SESN3: variants seen among roughly 807,000 people sequenced by gnomAD.
SESN3 encodes sestrin 3, also known as sestrin-3.
A neutral mutation model predicts 55.3 loss-of-function variants in SESN3; 21 were observed. That is an observed-to-expected ratio of 0.38 (90% confidence interval 0.27 to 0.55). The LOEUF (loss-of-function observed/expected upper bound fraction) is 0.55, where lower values mean the gene tolerates loss of function less well. SESN3 is among the 20% of genes least tolerant of loss of function. The pLI is 0.76. For missense variants in SESN3, 408 were observed against 604.3 expected (o/e 0.68, Z 3.41); for synonymous variants, 181 against 203.1 (o/e 0.89, Z 0.93).
rs192166381 is a variant in SESN3, at chr11:95,179,555, T to C, written c.938-727A>G. Among the ~76,000 whole-genome samples the C allele has an allele frequency of 1.5e-3, 222 of 152,200 alleles. No individual in the cohort carries two copies. In the East Asian group the frequency reaches 0.041, roughly 28 times the overall value. ...TGTTAAAATTACATGGTGTTTCATC[T>C]GGATGTATTCACAGTAAAAATTAGT... is the stretch of plus-strand genomic sequence containing the variant. On this transcript the variant is annotated intron_variant, in intron 6 of 9. Transcript: ENST00000536441.
At chr11:95,184,855 T>A (rs1199355705) in intron 5 of SESN3, among the ~76,000 whole-genome samples, 1 of 152,042 alleles carries the variant, frequency 6.6e-6, no homozygotes, top group Non-Finnish European at 1.5e-5. Context: ...GCATTTGGTA[T>A]ATATTAAATA....
chr11:95,216,522 G>A (rs945281794), intron 1 of SESN3, among the ~76,000 whole-genome samples: 1 of 152,068 alleles, frequency 6.6e-6, no homozygotes, highest in African/African-American at 2.4e-5. Flanking sequence ...GCACATTGAT[G>A]GCAACATTCT....
At position 95,230,884 on chromosome 11, in the gene SESN3, G is replaced by T; in HGVS notation, c.-24C>A. On this transcript the variant is annotated 5_prime_UTR_variant, in exon 1 of 10. Coordinates refer to ENST00000536441, the MANE Select transcript of SESN3 (RefSeq NM_144665.4). This position sits in a 1 kb window ranked among gnomAD's most constrained non-coding sequence, Gnocchi z 4.6. ...ATCGTGGCTGCGGGCGCCGAGGCGA[G>T]AGCGGGCGGAGGGCCGGGTCCGGGC... is the stretch of plus-strand genomic sequence containing the variant. 1 of 1,536,100 alleles carries T rather than the reference G, an allele frequency of 6.5e-7. No individual in the cohort carries two copies. The highest frequency in any genetic ancestry group is 1.2e-5 in the South Asian group (1 of 84,212).
upstream of SESN3, chr11:95,232,342 C>A (rs1472427708): frequency 6.6e-6 from 1 of 152,294 alleles, no homozygotes; most frequent in Non-Finnish European, 1.5e-5. Flanking sequence ...ATGCTAGACG[C>A]CCGCAACCTG....
intron 7 of SESN3, 70 bp downstream of exon 7, chr11:95,178,640 T>C: frequency 1.0e-6 from 1 of 981,332 alleles, no homozygotes. Flanking sequence ...TGCCAATTTT[T>C]AAAATTTAAA....
At chr11:95,202,633 A>G (rs915958886) in intron 1 of SESN3, among the ~76,000 whole-genome samples, 5 of 152,118 alleles carry the variant, frequency 3.3e-5, no homozygotes, top group Admixed American at 2.0e-4. Flanking sequence ...ATAGAGATAC[A>G]AAATATAGCT....
chr11:95,195,546 T>A (rs1039298186), intron 1 of SESN3, among the ~76,000 whole-genome samples: 5 of 152,170 alleles, frequency 3.3e-5, no homozygotes, highest in Non-Finnish European at 7.3e-5. Context: ...GTATGACATA[T>A]ACCATCGCAG....
rs1299378661 is a variant in SESN3 at position 95,168,165 on chromosome 11, C to G, written c.*5090G>C. 1 of 152,216 alleles carries G rather than the reference C, an allele frequency of 6.6e-6. No individual in the cohort carries two copies. The highest frequency in any genetic ancestry group is 1.5e-5 in the Non-Finnish European group (1 of 68,036). The allele number at this position is 152,216 out of a possible 1,614,324, so 9.4% of individuals were successfully genotyped here. Reference sequence around the variant, plus strand: ...TTAGAAATGTGTTTCAAGGCCCAAACACCACCAATAAAACAAATGTCTGGA... The same window carrying G: ...TTAGAAATGTGTTTCAAGGCCCAAAGACCACCAATAAAACAAATGTCTGGA... On this transcript the variant is annotated 3_prime_UTR_variant, in exon 10 of 10. Coordinates refer to ENST00000536441, the MANE Select transcript of SESN3 (RefSeq NM_144665.4).
intron 5 of SESN3, among the ~76,000 whole-genome samples, 157 bp from the exon 6 acceptor site, chr11:95,184,751 A>C (rs969434564): frequency 2.0e-5 from 3 of 152,154 alleles, no homozygotes; most frequent in African/African-American, 7.2e-5. Flanking sequence ...AAATCATGAC[A>C]GATTCCAACA....
At chr11:95,180,688 T>C (rs1860043647) in intron 6 of SESN3, among the ~76,000 whole-genome samples, 1 of 152,026 alleles carries the variant, frequency 6.6e-6, no homozygotes, top group African/African-American at 2.4e-5. Context: ...AATGTGTAGA[T>C]GTTTAAGTAT....
upstream of SESN3, chr11:95,232,055 T>G (rs906073412): frequency 6.6e-6 from 1 of 152,258 alleles, no homozygotes; most frequent in Non-Finnish European, 1.5e-5. Context: ...CCAAAAGACC[T>G]TCCTGAGGCA....
intron 1 of SESN3, among the ~76,000 whole-genome samples, chr11:95,205,880 T>C (rs1860537468): frequency 1.3e-5 from 2 of 152,078 alleles, no homozygotes; most frequent in Admixed American, 1.3e-4. Flanking sequence ...TAGCCTATCA[T>C]TTTATCCTTA....
At chr11:95,222,868 T>C (rs1860882527) in intron 1 of SESN3, among the ~76,000 whole-genome samples, 1 of 152,244 alleles carries the variant, frequency 6.6e-6, no homozygotes, top group South Asian at 2.1e-4. Context: ...ATATTTTAAA[T>C]TGTTTAAATC....
intron 1 of SESN3, among the ~76,000 whole-genome samples, chr11:95,216,026 AG>A (rs1189566891): frequency 6.9e-6 from 1 of 145,018 alleles, no homozygotes; most frequent in Non-Finnish European, 1.5e-5. Context: ...TGAACTCGGG[AG>A]GCGGAGCTTG....
intron 1 of SESN3, among the ~76,000 whole-genome samples, chr11:95,224,753 TGTCAATTA>T (rs1860918952): frequency 1.3e-5 from 2 of 152,192 alleles, no homozygotes; most frequent in African/African-American, 2.4e-5. Flanking sequence ...CAGCAAATAG[TGTCAATTA>T]GTTTCCTTGA....
chr11:95,209,936 G>A (rs1860620359), intron 1 of SESN3, among the ~76,000 whole-genome samples: 1 of 137,460 alleles, frequency 7.3e-6, no homozygotes, highest in Non-Finnish European at 1.6e-5. Context: ...AGAATCGCTT[G>A]ATTCCAGGAG....
At chr11:95,187,013 G>C (rs1475916907) in intron 4 of SESN3, among the ~76,000 whole-genome samples, 1 of 151,418 alleles carries the variant, frequency 6.6e-6, no homozygotes, top group African/African-American at 2.4e-5. Flanking sequence ...ATATTTTTCT[G>C]ATTTTCAAAT....
At chr11:95,177,995 T>A in intron 7 of SESN3, 86 bp from the exon 8 acceptor site, 1 of 908,482 alleles carries the variant, frequency 1.1e-6, no homozygotes, top group Non-Finnish European at 1.6e-6. Context: ...ATGAAGCAAG[T>A]AAGCGAGGCT....
intron 1 of SESN3, chr11:95,203,675 C>T (rs1860497619): frequency 6.6e-6 from 1 of 152,164 alleles, no homozygotes; most frequent in South Asian, 2.1e-4. Context: ...CTTTAATGTA[C>T]ACAGGTAAAC....
Sources: allele counts gnomAD v4.1 joint callset (sites outside exome capture counted in the v4.1 genomes callset), GRCh38; gene constraint gnomAD v4.1.1; non-coding constraint Gnocchi (gnomAD v3.1); transcripts MANE v1.5; gene names NCBI Gene and HGNC (gene_info 2026-07-23, HGNC 2026-07-21).